Variants in RHOA observed in about 807,000 individuals in gnomAD.
RHOA encodes ras homolog family member A.
RHOA carries 3 observed loss-of-function variants against 17.5 expected under a neutral mutation model. The observed-to-expected ratio is 0.17, with a 90% confidence interval of 0.08 to 0.44. The LOEUF (loss-of-function observed/expected upper bound fraction) is 0.44, where lower values mean the gene tolerates loss of function less well. RHOA is among the 20% of genes least tolerant of loss of function. The probability of loss-of-function intolerance (pLI) is 0.99; values close to 1 mark genes in which losing one functional copy is unlikely to be tolerated. For missense variants in RHOA, 56 were observed against 242.3 expected (o/e 0.23, Z 5.10); for synonymous variants, 98 against 88.4 (o/e 1.11, Z -0.61).
intron 4 of RHOA, 28 bp downstream of exon 4, chr3:49,362,468 T>G (rs778838287): frequency 6.3e-7 from 1 of 1,587,298 alleles, no homozygotes; most frequent in Admixed American, 1.8e-5. Context: ...TCAAGAATAC[T>G]ACAAGACAGT....
chr3:49,369,215 G>A (rs1459398432), intron 2 of RHOA, among the ~76,000 whole-genome samples: 1 of 147,378 alleles, frequency 6.8e-6, no homozygotes, highest in Admixed American at 6.8e-5. Context: ...AGTAGAGACG[G>A]GGTTTCACCA....
intron 1 of RHOA, among the ~76,000 whole-genome samples, chr3:49,408,163 GAGA>G (rs1280447374): frequency 1.2e-4 from 1 of 8,068 alleles, no homozygotes; most frequent in Non-Finnish European, 4.1e-4. Flanking sequence ...AGTCTCAAAA[GAGA>G]AAAAAAAAAA....
chr3:49,399,975 C>T (rs949700679), intron 1 of RHOA, among the ~76,000 whole-genome samples: 12 of 151,896 alleles, frequency 7.9e-5, no homozygotes, highest in East Asian at 1.9e-4. Flanking sequence ...AATCCCAGCA[C>T]GTTGGGAGGC....
At chr3:49,407,231 C>CGTTT (rs1559521238) in intron 1 of RHOA, among the ~76,000 whole-genome samples, 3 of 115,426 alleles carry the variant, frequency 2.6e-5, no homozygotes, top group African/African-American at 9.0e-5. Flanking sequence ...AAATCCTTTC[C>CGTTT]GTTTTTTTTT....
chr3:49,402,499 C>T (rs1029893357), intron 1 of RHOA, among the ~76,000 whole-genome samples: 2 of 151,964 alleles, frequency 1.3e-5, no homozygotes, highest in South Asian at 2.1e-4. Flanking sequence ...CATGGCAAAA[C>T]GTCATCTCTA....
intron 1 of RHOA, among the ~76,000 whole-genome samples, chr3:49,382,891 C>T (rs903900971): frequency 4.0e-5 from 6 of 151,308 alleles, no homozygotes; most frequent in Non-Finnish European, 7.4e-5. Context: ...CCCATATCCA[C>T]TAAAAATACA....
intron 3 of RHOA, 147 bp downstream of exon 3, chr3:49,368,281 C>A: frequency 1.0e-6 from 1 of 1,000,090 alleles, no homozygotes. Context: ...GGCCCACGCT[C>A]TACAATCCCA....
chr3:49,398,471 A>C (rs1277974401), intron 1 of RHOA, among the ~76,000 whole-genome samples: 1 of 152,104 alleles, frequency 6.6e-6, no homozygotes. Flanking sequence ...ACTAAAGGTA[A>C]GGAGCAGTGA....
chr3:49,385,877 G>T (rs1170159965), intron 1 of RHOA, among the ~76,000 whole-genome samples: 1 of 152,128 alleles, frequency 6.6e-6, no homozygotes, highest in Non-Finnish European at 1.5e-5. Context: ...GCACACTTGA[G>T]AAATCAACTA....
At chr3:49,408,259 T>TACATATAC (rs2048871755) in intron 1 of RHOA, among the ~76,000 whole-genome samples, 1 of 52,798 alleles carries the variant, frequency 1.9e-5, no homozygotes, top group African/African-American at 5.1e-5. Context: ...CACATATATA[T>TACATATAC]ACGTATACAC....
intron 1 of RHOA, among the ~76,000 whole-genome samples, chr3:49,400,919 G>C (rs949583031): frequency 1.7e-4 from 26 of 150,722 alleles, no homozygotes; most frequent in African/African-American, 5.6e-4. Context: ...AGTGGCGGGC[G>C]CCTGTAGTCC....
At chr3:49,409,110 T>C (rs1051773586) in intron 1 of RHOA, among the ~76,000 whole-genome samples, 1 of 149,890 alleles carries the variant, frequency 6.7e-6, no homozygotes, top group Non-Finnish European at 1.5e-5. Context: ...AAACTACAAA[T>C]ATGGGTGGGC....
chr3:49,367,913 ATAAT>A (rs2048085721), intron 3 of RHOA, among the ~76,000 whole-genome samples: 2 of 151,566 alleles, frequency 1.3e-5, no homozygotes, highest in African/African-American at 4.8e-5. Flanking sequence ...AATAATAATA[ATAAT>A]TATTATTTTT....
intron 1 of RHOA, among the ~76,000 whole-genome samples, chr3:49,393,668 TTCTCTCTC>T (rs765605913): frequency 3.4e-5 from 1 of 29,640 alleles, no homozygotes; most frequent in African/African-American, 1.0e-4. Flanking sequence ...TTGTCTCAAA[TTCTCTCTC>T]TGTGTGTGTG....
chr3:49,360,200 A>C lies in RHOA; in HGVS notation c.*9T>G. 1 of 1,612,386 alleles carries C rather than the reference A, an allele frequency of 6.2e-7. No individual in the cohort carries two copies. The highest frequency in any genetic ancestry group is 1.1e-5 in the South Asian group (1 of 90,686). On this transcript the variant is annotated 3_prime_UTR_variant, in exon 5 of 5. Transcript: ENST00000418115. ...TTAACCGCATAAGGGCTGTGCTTGC[A>C]GCAAGGTTTCACAAGACAAGGCACC...
At chr3:49,370,787 C>G (rs1484127690) in intron 2 of RHOA, among the ~76,000 whole-genome samples, 2 of 152,168 alleles carry the variant, frequency 1.3e-5, no homozygotes, top group Non-Finnish European at 2.9e-5. Context: ...TAAACATCCT[C>G]TGTACAGAGG....
At chr3:49,391,256 G>A (rs1300637770) in intron 1 of RHOA, among the ~76,000 whole-genome samples, 1 of 151,178 alleles carries the variant, frequency 6.6e-6, no homozygotes, top group Non-Finnish European at 1.5e-5. Flanking sequence ...GCCAGGTGTG[G>A]TAGTACACAC....
intron 1 of RHOA, among the ~76,000 whole-genome samples, chr3:49,395,365 G>GT (rs1320160575): frequency 6.6e-6 from 1 of 152,072 alleles, no homozygotes; most frequent in Non-Finnish European, 1.5e-5. Context: ...ATTCTATTCT[G>GT]TAAGGAAGGG....
At chr3:49,393,676 CTGTGTG>C (rs71080504) in intron 1 of RHOA, among the ~76,000 whole-genome samples, 41 of 10,352 alleles carry the variant, frequency 4.0e-3, no homozygotes, top group African/African-American at 9.5e-3. Flanking sequence ...AATTCTCTCT[CTGTGTG>C]TGTGTGTGTG....
Sources: allele counts gnomAD v4.1 joint callset (sites outside exome capture counted in the v4.1 genomes callset), GRCh38; gene constraint gnomAD v4.1.1; transcripts MANE v1.5; gene names NCBI Gene and HGNC (gene_info 2026-07-23, HGNC 2026-07-21).